The following SGPP2 variants were observed in gnomAD, a reference collection of about 807,000 sequenced individuals.
SGPP2 encodes the protein sphingosine 1-phosphate phosphohydrolase 2.
A neutral mutation model predicts 33.9 loss-of-function variants in SGPP2; 30 were observed. The observed-to-expected ratio is 0.89, with a 90% confidence interval of 0.66 to 1.20. The LOEUF (loss-of-function observed/expected upper bound fraction) is 1.20. SGPP2 is among the 50% of genes most tolerant of loss of function. The pLI, the probability that SGPP2 is intolerant of heterozygous loss-of-function variation, is 0.00. For missense variants in SGPP2, 458 were observed against 532.1 expected (o/e 0.86, Z 1.37); for synonymous variants, 233 against 225.0 (o/e 1.04, Z -0.32).
At chr2:222,433,090 AGG>A (rs1697181943) in intron 1 of SGPP2, among the ~76,000 whole-genome samples, 1 of 106,764 alleles carries the variant, frequency 9.4e-6, no homozygotes, top group Non-Finnish European at 1.9e-5. Context: ...AGACGAGAGG[AGG>A]GAAGGGGAGG....
intron 4 of SGPP2, among the ~76,000 whole-genome samples, chr2:222,552,423 T>C (rs1689308358): frequency 6.6e-6 from 1 of 152,164 alleles, no homozygotes; most frequent in Admixed American, 6.5e-5. Flanking sequence ...TAAGGTGGTA[T>C]TGCATTATGG....
intron 1 of SGPP2, among the ~76,000 whole-genome samples, chr2:222,467,026 C>A (rs1253131052): frequency 6.6e-6 from 1 of 152,176 alleles, no homozygotes; most frequent in African/African-American, 2.4e-5. Context: ...ACATTACTTA[C>A]TCTCTTAATG....
intron 2 of SGPP2, among the ~76,000 whole-genome samples, chr2:222,499,623 T>C (rs1275287796): frequency 3.3e-5 from 5 of 151,846 alleles, no homozygotes; most frequent in Non-Finnish European, 5.9e-5. Context: ...AGTTGGGGCA[T>C]TGGGGGAAAC....
intron 4 of SGPP2, among the ~76,000 whole-genome samples, chr2:222,529,794 A>G (rs1029326716): frequency 1.3e-5 from 2 of 152,336 alleles, no homozygotes; most frequent in African/African-American, 4.8e-5. Flanking sequence ...TCTTAATGGC[A>G]TCTAGAATGG....
intron 4 of SGPP2, among the ~76,000 whole-genome samples, chr2:222,527,205 G>A (rs1698772527): frequency 6.6e-6 from 1 of 152,086 alleles, no homozygotes; most frequent in African/African-American, 2.4e-5. Flanking sequence ...AATATTATAT[G>A]CTTTTTTTAG....
Position 222,477,948 on chromosome 2 carries a change from A to G in SGPP2, c.378+3222A>G, listed in dbSNP as rs951068655. Among the ~76,000 whole-genome samples the G allele has an allele frequency of 1.1e-4, 16 of 152,138 alleles. No individual in the cohort carries two copies. The highest frequency in any genetic ancestry group is 2.4e-4 in the Non-Finnish European group (16 of 68,016). ...AGGAAGAAATAACCTCTGAATCTGC[A>G]GTTTGTCCTGAGGTTTGGCCACCTG... On this transcript the variant is annotated intron_variant, in intron 2 of 4. Transcript: ENST00000321276. This position sits in a 1 kb window ranked among gnomAD's most constrained non-coding sequence, Gnocchi z 6.0.
chr2:222,434,983 C>T (rs538937019), intron 1 of SGPP2, among the ~76,000 whole-genome samples: 4,341 of 17,666 alleles, frequency 0.25, 102 homozygotes, highest in Middle Eastern at 0.53. Flanking sequence ...TATACACACA[C>T]ACACACACAC....
At chr2:222,496,071 C>T (rs1410047148) in intron 2 of SGPP2, among the ~76,000 whole-genome samples, 1 of 152,170 alleles carries the variant, frequency 6.6e-6, no homozygotes, top group Non-Finnish European at 1.5e-5. Context: ...ACATAGTGCC[C>T]CGACTCCCTT....
chr2:222,521,303 G>T (rs1007616222), intron 2 of SGPP2, among the ~76,000 whole-genome samples: 3 of 152,204 alleles, frequency 2.0e-5, no homozygotes, highest in Non-Finnish European at 4.4e-5. Flanking sequence ...AGGTAGCATC[G>T]TGTGGTAGTT....
At chr2:222,433,758 A>T (rs1330628483) in intron 1 of SGPP2, among the ~76,000 whole-genome samples, 1 of 152,280 alleles carries the variant, frequency 6.6e-6, no homozygotes, top group Non-Finnish European at 1.5e-5. Context: ...TTGATTAATG[A>T]ATAACTTTTT....
intron 4 of SGPP2, among the ~76,000 whole-genome samples, chr2:222,538,492 T>G (rs1308372401): frequency 6.6e-6 from 1 of 152,140 alleles, no homozygotes; most frequent in Non-Finnish European, 1.5e-5. Flanking sequence ...TTATACAGTG[T>G]TCTATAAAAC....
intron 2 of SGPP2, among the ~76,000 whole-genome samples, chr2:222,494,454 A>G (rs1327557770): frequency 6.6e-6 from 1 of 152,214 alleles, no homozygotes; most frequent in East Asian, 1.9e-4. Context: ...GGGTAATGAG[A>G]CTGACTAGTC....
At position 222,489,422 on chromosome 2, in the gene SGPP2, A is replaced by G. The variant is rs535329957; in HGVS notation, c.378+14696A>G. 3.3e-5 allele frequency among the ~76,000 whole-genome samples: 5 copies of G among 152,240 alleles called. No homozygotes were observed. In the South Asian group the frequency reaches 8.3e-4, roughly 25 times the overall value. ...TAATTAGAATGTATTAAGAAAAAAA[A>G]AAAAAGATCAGGGCTCATTGACTTG... On this transcript the variant is annotated intron_variant, in intron 2 of 4. Transcript: ENST00000321276.
At chr2:222,496,954 A>G (rs1254504837) in intron 2 of SGPP2, among the ~76,000 whole-genome samples, 1 of 152,232 alleles carries the variant, frequency 6.6e-6, no homozygotes, top group Non-Finnish European at 1.5e-5. Context: ...TCCCCTACAG[A>G]AGCACCCATG....
At chr2:222,511,524 CAA>C (rs773863561) in intron 2 of SGPP2, among the ~76,000 whole-genome samples, 1 of 152,124 alleles carries the variant, frequency 6.6e-6, no homozygotes, top group Non-Finnish European at 1.5e-5. Context: ...GGCCTCAACC[CAA>C]AGAAGTATGA....
chr2:222,552,073 T>C (rs1689302646), intron 4 of SGPP2, among the ~76,000 whole-genome samples: 1 of 152,242 alleles, frequency 6.6e-6, no homozygotes. Context: ...TAGTATTCCA[T>C]TGTATATATG....
intron 1 of SGPP2, among the ~76,000 whole-genome samples, chr2:222,430,361 T>G (rs1697135178): frequency 6.6e-6 from 1 of 152,198 alleles, no homozygotes; most frequent in African/African-American, 2.4e-5. Context: ...TTAAAAAGGG[T>G]GATCGAAACC....
intron 1 of SGPP2, among the ~76,000 whole-genome samples, chr2:222,449,952 C>T (rs901597411): frequency 2.6e-5 from 4 of 152,056 alleles, no homozygotes; most frequent in Middle Eastern, 3.2e-3. Flanking sequence ...TTTGAGGTGG[C>T]AGAATTTGTC....
At chr2:222,494,315 A>G (rs1698243069) in intron 2 of SGPP2, among the ~76,000 whole-genome samples, 1 of 152,248 alleles carries the variant, frequency 6.6e-6, no homozygotes, top group African/African-American at 2.4e-5. Context: ...AATTTGTTGT[A>G]ATTTCGTCTT....
Sources: allele counts gnomAD v4.1 joint callset (sites outside exome capture counted in the v4.1 genomes callset), GRCh38; gene constraint gnomAD v4.1.1; non-coding constraint Gnocchi (gnomAD v3.1); transcripts MANE v1.5; gene names NCBI Gene and HGNC (gene_info 2026-07-23, HGNC 2026-07-21).